Variants in HTR4 observed in about 807,000 individuals in gnomAD.
HTR4 encodes 5-hydroxytryptamine (serotonin) receptor 4, G protein-coupled.
A neutral mutation model predicts 36.8 loss-of-function variants in HTR4; 16 were observed. That is an observed-to-expected ratio of 0.43 (90% confidence interval 0.29 to 0.66). HTR4 has a LOEUF of 0.66. Among genes scored for constraint, HTR4 ranks in the 30% least tolerant of loss-of-function variants. The pLI is 0.13. For missense variants in HTR4, 438 were observed against 490.9 expected (o/e 0.89, Z 1.02); for synonymous variants, 189 against 185.1 (o/e 1.02, Z -0.17).
intron 6 of HTR4, among the ~76,000 whole-genome samples, chr5:148,496,503 C>A (rs770966458): frequency 6.6e-6 from 1 of 152,196 alleles, no homozygotes. Flanking sequence ...AAACAAAAGC[C>A]TCAGAAAGAA....
chr5:148,642,581 C>A (rs1378517880), intron 1 of HTR4, among the ~76,000 whole-genome samples: 1 of 152,150 alleles, frequency 6.6e-6, no homozygotes, highest in Non-Finnish European at 1.5e-5. Context: ...CTAAAACACA[C>A]AATCCCATCA....
chr5:148,577,323 G>A (rs1365651446), intron 2 of HTR4, among the ~76,000 whole-genome samples: 5 of 152,042 alleles, frequency 3.3e-5, no homozygotes, highest in Non-Finnish European at 5.9e-5. Context: ...AATAACAGAG[G>A]CTGGTGAGGT....
At chr5:148,462,986 A>G (rs1755317452) in intron 5 of HTR4, among the ~76,000 whole-genome samples, 1 of 152,094 alleles carries the variant, frequency 6.6e-6, no homozygotes, top group Non-Finnish European at 1.5e-5. Flanking sequence ...AGCTCTCGGT[A>G]AACTAAGACT....
intron 2 of HTR4, among the ~76,000 whole-genome samples, chr5:148,568,308 C>T (rs1760535211): frequency 6.6e-6 from 1 of 152,114 alleles, no homozygotes; most frequent in Non-Finnish European, 1.5e-5. Context: ...TCATTTTTTA[C>T]ACTGATTATT....
chr5:148,546,438 A>G (rs1024304552), intron 4 of HTR4, among the ~76,000 whole-genome samples: 4 of 152,226 alleles, frequency 2.6e-5, no homozygotes, highest in Non-Finnish European at 5.9e-5. Context: ...AATCTCTTCA[A>G]TTCTAAAGCA....
intron 6 of HTR4, among the ~76,000 whole-genome samples, chr5:148,485,519 C>T (rs1340750624): frequency 6.6e-6 from 1 of 152,136 alleles, no homozygotes; most frequent in Non-Finnish European, 1.5e-5. Flanking sequence ...TATAAATGTT[C>T]CACCTGTGAG....
intron 2 of HTR4, among the ~76,000 whole-genome samples, chr5:148,555,946 T>TCACA (rs60289333): frequency 0.011 from 1,652 of 149,792 alleles, 21 homozygotes; most frequent in East Asian, 0.031. Flanking sequence ...TTATACTTTG[T>TCACA]CACACACACA....
At chr5:148,526,856 G>T (rs1042592551) in intron 4 of HTR4, among the ~76,000 whole-genome samples, 4 of 152,066 alleles carry the variant, frequency 2.6e-5, no homozygotes, top group African/African-American at 4.8e-5. Flanking sequence ...TAAAATGATG[G>T]TTACCACAGG....
intron 2 of HTR4, among the ~76,000 whole-genome samples, chr5:148,619,983 A>C (rs1227936249): frequency 1.3e-5 from 2 of 152,248 alleles, no homozygotes; most frequent in Non-Finnish European, 2.9e-5. Context: ...ATAAATAGCC[A>C]GGGTACAAGA....
intron 5 of HTR4, among the ~76,000 whole-genome samples, chr5:148,454,853 C>A (rs1755061011): frequency 6.6e-6 from 1 of 152,092 alleles, no homozygotes; most frequent in Admixed American, 6.5e-5. Flanking sequence ...GTCAGGAACC[C>A]CTTCCCCATT....
Position 148,461,978 on chromosome 5 carries a change from A to T in HTR4, c.1077-10706T>A, listed in dbSNP as rs146873444. ...AAAGATAGGTGGAAAATTCTGAAAT[A>T]CTTGGAGATTCAGCAACACACTTCT... is the stretch of plus-strand genomic sequence containing the variant. On this transcript the variant is annotated intron_variant, in intron 5 of 5. Coordinates refer to the HTR4 transcript ENST00000521530. 63 of 152,204 alleles carry T rather than the reference A, an allele frequency of 4.1e-4. No individual in the cohort carries two copies. The East Asian group carries it at 9.4e-3, about 23-fold the overall frequency. The allele number at this position is 152,204 out of a possible 1,614,324, so 9.4% of individuals were successfully genotyped here.
chr5:148,536,221 G>T (rs1234804759), intron 4 of HTR4, among the ~76,000 whole-genome samples: 2 of 152,084 alleles, frequency 1.3e-5, no homozygotes, highest in Non-Finnish European at 1.5e-5. Context: ...TGCTTTACAA[G>T]AGATCTTGAA....
chr5:148,465,558 A>G (rs1447145995), intron 5 of HTR4, among the ~76,000 whole-genome samples: 5 of 152,230 alleles, frequency 3.3e-5, no homozygotes, highest in Non-Finnish European at 7.3e-5. Context: ...AATCACAGTT[A>G]TACTGGGTGA....
chr5:148,492,221 C>A (rs1756487159), intron 6 of HTR4, among the ~76,000 whole-genome samples: 1 of 152,136 alleles, frequency 6.6e-6, no homozygotes, highest in African/African-American at 2.4e-5. Flanking sequence ...AGGGGGAAAA[C>A]AAACACACAC....
intron 2 of HTR4, among the ~76,000 whole-genome samples, chr5:148,618,444 T>C (rs1235701027): frequency 6.6e-6 from 1 of 152,342 alleles, no homozygotes; most frequent in South Asian, 2.1e-4. Context: ...TGGCTTCAAT[T>C]GGGCTTACTC....
chr5:148,555,425 C>T (rs1267618409), intron 2 of HTR4, among the ~76,000 whole-genome samples: 1 of 152,138 alleles, frequency 6.6e-6, no homozygotes, highest in Non-Finnish European at 1.5e-5. Context: ...TTAGAAATAG[C>T]TTAACTTTAA....
chr5:148,624,140 G>C (rs112680377), intron 2 of HTR4, among the ~76,000 whole-genome samples: 12 of 152,272 alleles, frequency 7.9e-5, no homozygotes, highest in African/African-American at 2.9e-4. Flanking sequence ...AATAGTAACA[G>C]CTGCAGTAGT....
chr5:148,624,181 C>T (rs375063160), intron 2 of HTR4, among the ~76,000 whole-genome samples: 1 of 152,274 alleles, frequency 6.6e-6, no homozygotes, highest in South Asian at 2.1e-4. Context: ...AGGAGTAATG[C>T]TGATCTTAGG....
chr5:148,476,525 G>A (rs897908942), downstream of HTR4: 1 of 1,306,600 alleles, frequency 7.7e-7, no homozygotes, highest in African/African-American at 1.5e-5. Flanking sequence ...TTTTGAAGTG[G>A]GTGGAGTACT....
Sources: allele counts gnomAD v4.1 joint callset (sites outside exome capture counted in the v4.1 genomes callset), GRCh38; gene constraint gnomAD v4.1.1; transcripts MANE v1.5; gene names NCBI Gene and HGNC (gene_info 2026-07-23, HGNC 2026-07-21).